MYO5B: variants seen among roughly 807,000 people sequenced by gnomAD.
MYO5B encodes the protein myosin VB.
Under a neutral mutation model 229.3 loss-of-function variants are expected in MYO5B, and 143 were observed. The observed-to-expected ratio is 0.62, with a 90% CI of 0.54 to 0.72. The LOEUF (loss-of-function observed/expected upper bound fraction) is 0.72. Ranked by LOEUF, MYO5B falls within the 30% of genes least tolerant of loss-of-function variation. The probability of loss-of-function intolerance (pLI) is 0.00; values close to 1 mark genes in which losing one functional copy is unlikely to be tolerated. For missense variants in MYO5B, 2,321 were observed against 2,331.0 expected, an observed-to-expected ratio of 1.00 and a Z score of 0.09; for synonymous variants, 918 against 885.2, an observed-to-expected ratio of 1.04 and a Z score of -0.66.
chr18:50,121,262 A>C (rs1475005176), intron 1 of MYO5B, among the ~76,000 whole-genome samples: 1 of 152,166 alleles, frequency 6.6e-6, no homozygotes, highest in African/African-American at 2.4e-5. Context: ...TGTCCCTTCT[A>C]GATTATAAGC....
chr18:50,063,349 G>A (rs777647016), intron 1 of MYO5B, among the ~76,000 whole-genome samples: 3 of 152,156 alleles, frequency 2.0e-5, no homozygotes, highest in Non-Finnish European at 4.4e-5. Flanking sequence ...GGAATTACAT[G>A]TAAATATCCC....
intron 21 of MYO5B, among the ~76,000 whole-genome samples, chr18:49,897,111 G>C (rs1276169035): frequency 6.6e-6 from 1 of 152,166 alleles, no homozygotes; most frequent in Admixed American, 6.5e-5. Context: ...CTTTTCATGG[G>C]CATCCAGATA....
chr18:49,892,022 T>C (rs562758555), intron 22 of MYO5B, among the ~76,000 whole-genome samples: 7 of 152,194 alleles, frequency 4.6e-5, no homozygotes, highest in South Asian at 2.1e-4. Context: ...TCTGGTCCCA[T>C]TGAGCAGCCT....
chr18:50,043,284 TTA>T (rs2030079952), intron 2 of MYO5B, among the ~76,000 whole-genome samples: 3 of 83,440 alleles, frequency 3.6e-5, no homozygotes, highest in African/African-American at 1.3e-4. Flanking sequence ...ATATTTATAT[TTA>T]TATATTATAT....
chr18:50,140,850 T>C (rs12150790), intron 1 of MYO5B, among the ~76,000 whole-genome samples: 14,208 of 152,248 alleles, frequency 0.093, 760 homozygotes, highest in East Asian at 0.19. Flanking sequence ...TGGTACAGTG[T>C]TTAGTTTAGC....
chr18:49,935,171 G>A (rs1220811290), intron 16 of MYO5B, among the ~76,000 whole-genome samples: 1 of 152,216 alleles, frequency 6.6e-6, no homozygotes, highest in Non-Finnish European at 1.5e-5. Flanking sequence ...GAGACTTCAT[G>A]GGACTTTGAC....
chr18:49,914,099 C>T (rs367974008), intron 17 of MYO5B, among the ~76,000 whole-genome samples: 16 of 152,296 alleles, frequency 1.1e-4, no homozygotes, highest in African/African-American at 3.8e-4. Flanking sequence ...GGCCTGGGTA[C>T]CAAGTGGGCA....
intron 32 of MYO5B, 92 bp downstream of exon 32, chr18:49,849,475 G>C: frequency 1.1e-6 from 1 of 915,206 alleles, no homozygotes; most frequent in Non-Finnish European, 1.8e-6. Context: ...GATGTAGGAA[G>C]AATGTGCAGA....
intron 17 of MYO5B, among the ~76,000 whole-genome samples, chr18:49,916,878 C>A (rs1426299007): frequency 6.6e-6 from 1 of 152,202 alleles, no homozygotes; most frequent in Non-Finnish European, 1.5e-5. Flanking sequence ...GGCTCCCTCA[C>A]CTTTAAGAGG....
intron 1 of MYO5B, chr18:50,097,365 C>T (rs1323813329): frequency 2.3e-6 from 1 of 441,374 alleles, no homozygotes; most frequent in South Asian, 1.6e-5. Context: ...GATTCCCAGT[C>T]CAAGTTCACT....
At chr18:50,108,273 T>C (rs2031798430) in intron 1 of MYO5B, among the ~76,000 whole-genome samples, 1 of 152,244 alleles carries the variant, frequency 6.6e-6, no homozygotes, top group Admixed American at 6.5e-5. Flanking sequence ...TGTAAGAATC[T>C]CTGACAAACA....
intron 27 of MYO5B, among the ~76,000 whole-genome samples, chr18:49,869,892 G>C (rs540989393): frequency 1.3e-5 from 2 of 152,122 alleles, no homozygotes; most frequent in Non-Finnish European, 2.9e-5. Context: ...ATCTACTGCT[G>C]GGGAGCTACT....
intron 1 of MYO5B, among the ~76,000 whole-genome samples, chr18:50,143,939 G>A (rs1394140484): frequency 1.3e-5 from 2 of 152,166 alleles, no homozygotes; most frequent in Non-Finnish European, 2.9e-5. Flanking sequence ...TCCATTTTCT[G>A]GAGGGCCTCA....
chr18:49,948,761 G>A (rs2025401688), intron 14 of MYO5B, among the ~76,000 whole-genome samples: 1 of 149,830 alleles, frequency 6.7e-6, no homozygotes, highest in Non-Finnish European at 1.5e-5. Context: ...CTGAAGTCAA[G>A]CCATAAGCAG....
At chr18:49,845,309 C>T (rs1325741920) in intron 33 of MYO5B, among the ~76,000 whole-genome samples, 1 of 152,146 alleles carries the variant, frequency 6.6e-6, no homozygotes, top group African/African-American at 2.4e-5. Flanking sequence ...GAGCAAAATA[C>T]ATCTAAGAAG....
chr18:49,926,660 G>A (rs2025131619), intron 17 of MYO5B, among the ~76,000 whole-genome samples: 1 of 152,198 alleles, frequency 6.6e-6, no homozygotes, highest in South Asian at 2.1e-4. Flanking sequence ...AACAAGCTCT[G>A]GACTGGTTCA....
intron 17 of MYO5B, among the ~76,000 whole-genome samples, chr18:49,928,951 C>CT (rs1427910993): frequency 5.9e-5 from 9 of 152,026 alleles, no homozygotes; most frequent in Admixed American, 3.9e-4. Flanking sequence ...ATACAATGAA[C>CT]TTTGAGGACT....
intron 32 of MYO5B, among the ~76,000 whole-genome samples, chr18:49,848,009 G>T (rs750335057): frequency 2.0e-5 from 3 of 152,262 alleles, no homozygotes; most frequent in Non-Finnish European, 4.4e-5. Flanking sequence ...CCTCACTCAG[G>T]CCTCTCCTCA....
At chr18:49,950,743 T>G (rs963739407) in intron 14 of MYO5B, among the ~76,000 whole-genome samples, 19 of 152,282 alleles carry the variant, frequency 1.2e-4, no homozygotes, top group African/African-American at 3.6e-4. Context: ...ATTTCTACAA[T>G]ACTTTAATTT....
Sources: allele counts gnomAD v4.1 joint callset (sites outside exome capture counted in the v4.1 genomes callset), GRCh38; gene constraint gnomAD v4.1.1; transcripts MANE v1.5; gene names NCBI Gene and HGNC (gene_info 2026-07-23, HGNC 2026-07-21).